Variants in DOK6 observed in about 807,000 individuals in gnomAD.
DOK6 encodes docking protein 6.
Under a neutral mutation model 44.0 loss-of-function variants are expected in DOK6, and 22 were observed. The observed-to-expected ratio is 0.50, with a 90% CI of 0.36 to 0.71. The LOEUF (loss-of-function observed/expected upper bound fraction) is 0.71, where lower values mean the gene tolerates loss of function less well. DOK6 is among the 30% of genes least tolerant of loss of function. The pLI is 0.00. For missense variants in DOK6, 340 were observed against 416.4 expected (o/e 0.82, Z 1.60); for synonymous variants, 166 against 145.5 (o/e 1.14, Z -1.01).
At chr18:69,520,176 A>T (rs1011791849) in intron 1 of DOK6, among the ~76,000 whole-genome samples, 4 of 151,824 alleles carry the variant, frequency 2.6e-5, no homozygotes, top group Non-Finnish European at 5.9e-5. Context: ...GTTACTTGCA[A>T]TTTTAGTTAC....
intron 7 of DOK6, among the ~76,000 whole-genome samples, chr18:69,809,590 AC>A (rs1303757076): frequency 1.3e-5 from 2 of 150,944 alleles, no homozygotes; most frequent in Middle Eastern, 3.4e-3. Context: ...ACACACACAC[AC>A]ACACAAAAGA....
At chr18:69,616,817 G>C (rs1308218170) in intron 3 of DOK6, among the ~76,000 whole-genome samples, 1 of 152,042 alleles carries the variant, frequency 6.6e-6, no homozygotes, top group Non-Finnish European at 1.5e-5. Flanking sequence ...CTCGATAATT[G>C]GGTGCCAGAC....
intron 3 of DOK6, among the ~76,000 whole-genome samples, chr18:69,656,693 A>G (rs1985377230): frequency 1.3e-5 from 2 of 152,264 alleles, no homozygotes; most frequent in South Asian, 2.1e-4. Context: ...AATGTTGGAC[A>G]CTGATATGGT....
At chr18:69,589,223 T>C (rs1983572246) in intron 2 of DOK6, among the ~76,000 whole-genome samples, 1 of 152,154 alleles carries the variant, frequency 6.6e-6, no homozygotes, top group Non-Finnish European at 1.5e-5. Flanking sequence ...CCTATATTTA[T>C]TGTAATAACG....
At chr18:69,439,497 T>A (rs1979078259) in intron 1 of DOK6, among the ~76,000 whole-genome samples, 1 of 152,248 alleles carries the variant, frequency 6.6e-6, no homozygotes. Context: ...ATTTAAAATA[T>A]GTTTTTAGAA....
chr18:69,628,402 A>C (rs932560535), intron 3 of DOK6, among the ~76,000 whole-genome samples: 1 of 152,164 alleles, frequency 6.6e-6, no homozygotes, highest in African/African-American at 2.4e-5. Context: ...AAGCACAAGA[A>C]TCTCTTGAAA....
chr18:69,560,192 G>A (rs1982794118), intron 1 of DOK6, among the ~76,000 whole-genome samples: 1 of 152,136 alleles, frequency 6.6e-6, no homozygotes, highest in South Asian at 2.1e-4. Context: ...ACTTCTGCAA[G>A]TGGAAGTGTT....
intron 1 of DOK6, among the ~76,000 whole-genome samples, chr18:69,443,975 A>G (rs1979209331): frequency 6.6e-6 from 1 of 152,106 alleles, no homozygotes; most frequent in Non-Finnish European, 1.5e-5. Context: ...ATATATATAT[A>G]TACACACACA....
chr18:69,423,904 A>T (rs1323327062), intron 1 of DOK6, among the ~76,000 whole-genome samples: 1 of 152,198 alleles, frequency 6.6e-6, no homozygotes, highest in South Asian at 2.1e-4. Flanking sequence ...CATGTTTATA[A>T]TTCTATGTAC....
intron 7 of DOK6, among the ~76,000 whole-genome samples, chr18:69,772,391 C>A (rs1979914660): frequency 6.6e-6 from 1 of 151,902 alleles, no homozygotes. Flanking sequence ...CACAAAAGAC[C>A]TCAAATAGCC....
intron 7 of DOK6, among the ~76,000 whole-genome samples, chr18:69,840,342 CCATTAGATACAAGT>C (rs1273211265): frequency 6.6e-6 from 1 of 152,146 alleles, no homozygotes. Flanking sequence ...CTAAGCTCAT[CCATTAGATACAAGT>C]CATTCTCAAG....
At chr18:69,482,067 G>A (rs994184162) in intron 1 of DOK6, among the ~76,000 whole-genome samples, 1 of 152,150 alleles carries the variant, frequency 6.6e-6, no homozygotes, top group Admixed American at 6.5e-5. Context: ...TTTTGATGGG[G>A]TTGTTTGTTT....
intron 1 of DOK6, among the ~76,000 whole-genome samples, chr18:69,526,349 T>G (rs1188819728): frequency 1.3e-5 from 2 of 152,234 alleles, no homozygotes; most frequent in African/African-American, 2.4e-5. Flanking sequence ...CTTTTATAAC[T>G]GACTCCTTTC....
intron 2 of DOK6, among the ~76,000 whole-genome samples, chr18:69,568,075 G>A (rs1983028388): frequency 6.6e-6 from 1 of 152,178 alleles, no homozygotes; most frequent in Non-Finnish European, 1.5e-5. Flanking sequence ...TACAGAGTCA[G>A]CAACTTCACC....
intron 2 of DOK6, among the ~76,000 whole-genome samples, chr18:69,583,679 G>A (rs1983419771): frequency 1.3e-5 from 2 of 151,338 alleles, no homozygotes; most frequent in Non-Finnish European, 2.9e-5. Context: ...CCCTGTAAGA[G>A]GCTGAGGCAG....
chr18:69,594,794 G>A (rs1367630538), intron 2 of DOK6, among the ~76,000 whole-genome samples: 2 of 151,754 alleles, frequency 1.3e-5, no homozygotes, highest in African/African-American at 4.8e-5. Flanking sequence ...TTCAAGAACA[G>A]CCTGGGTAAT....
chr18:69,401,952 T>G (rs951584553), intron 1 of DOK6, among the ~76,000 whole-genome samples: 1 of 152,164 alleles, frequency 6.6e-6, no homozygotes, highest in Non-Finnish European at 1.5e-5. Flanking sequence ...ATGGAGACCT[T>G]TCCCTATTCT....
intron 6 of DOK6, among the ~76,000 whole-genome samples, chr18:69,746,099 G>C (rs1978975853): frequency 6.6e-6 from 1 of 151,784 alleles, no homozygotes; most frequent in South Asian, 2.1e-4. Context: ...AACAGAAATA[G>C]AGATAATAGA....
chr18:69,841,297 G>T lies in DOK6; in HGVS notation c.910G>T (p.Ala304Ser), dbSNP rs139992081. 1.4e-5 allele frequency: 22 copies of T among 1,613,958 alleles called. No individual in the cohort carries two copies. The highest frequency in any genetic ancestry group is 1.7e-5 in the Non-Finnish European group (20 of 1,180,018). ...MSRAQTFPSY[A>S]PEQSEEAQQP... ...TCGTGCACAGACATTTCCCAGCTAC[G>T]CCCCAGAACAGAGTGAAGAGGCCCA... Residue 304 changes from alanine (A) to serine (S), a missense_variant, in exon 8 of 8, where the codon GCC becomes TCC. Coordinates refer to ENST00000382713, the MANE Select transcript of DOK6 (RefSeq NM_152721.6).
Sources: gnomAD v4.1 joint callset for allele counts (sites outside exome capture counted in the v4.1 genomes callset) on GRCh38, gnomAD v4.1.1 for gene constraint, MANE v1.5 for transcripts, NCBI Gene and HGNC (gene_info 2026-07-23, HGNC 2026-07-21) for gene names.